Variants in KIAA1217 observed in about 807,000 individuals in gnomAD.
KIAA1217 encodes sickle tail protein homolog.
In KIAA1217, 88 loss-of-function variants were observed where a neutral mutation model predicts 163.9. The ratio of observed to expected loss-of-function variants is 0.54; its 90% CI spans 0.45 to 0.64. The LOEUF is 0.64. KIAA1217 is among the 30% of genes least tolerant of loss of function. KIAA1217 has a pLI of 0.00. For synonymous variants in KIAA1217, 903 were observed against 923.1 expected, an observed-to-expected ratio of 0.98 and a Z score of 0.39; for missense variants, 2,372 against 2,475.0, an observed-to-expected ratio of 0.96 and a Z score of 0.88.
chr10:24,391,333 C>CTTTTTTTTTTTTTTT (rs768727392), intron 3 of KIAA1217, among the ~76,000 whole-genome samples: 2 of 29,890 alleles, frequency 6.7e-5, no homozygotes, highest in African/African-American at 5.1e-4. Context: ...TTCTTTCTTT[C>CTTTTTTTTTTTTTTT]TTTTTTTTTT....
intron 1 of KIAA1217, among the ~76,000 whole-genome samples, chr10:23,938,113 G>C (rs1452383518): frequency 6.6e-6 from 1 of 152,106 alleles, no homozygotes; most frequent in Admixed American, 6.5e-5. Flanking sequence ...TCTATATGTT[G>C]GGAAACTTCT....
intron 2 of KIAA1217, among the ~76,000 whole-genome samples, chr10:24,245,375 G>C (rs1174860836): frequency 6.6e-6 from 1 of 152,184 alleles, no homozygotes; most frequent in Non-Finnish European, 1.5e-5. Flanking sequence ...GATGGAGAGA[G>C]CAGAGACCCC....
chr10:23,857,737 G>A lies in KIAA1217; in HGVS notation c.-320-149488G>A, dbSNP rs16923977. On this transcript the variant is annotated intron_variant, in intron 1 of 18. Coordinates refer to the KIAA1217 transcript ENST00000376462. The stretch of plus-strand genomic sequence containing the variant: ...CATCTCTCAACCTTTAGAGGAGTGG[G>A]GAATCTTTTCTTGAGAACTTTACAA... Among the ~76,000 whole-genome samples, 734 of 152,036 alleles carry A rather than the reference G, an allele frequency of 4.8e-3. 9 individuals are homozygous for A. The highest frequency in any genetic ancestry group is 0.016 in the African/African-American group (659 of 41,428).
At chr10:24,272,556 C>G (rs188096271) in intron 2 of KIAA1217, among the ~76,000 whole-genome samples, 116 of 152,314 alleles carry the variant, frequency 7.6e-4, no homozygotes, top group Admixed American at 2.5e-3. Flanking sequence ...CTAAGGTTGA[C>G]TCATTGTCAA....
At chr10:24,090,375 T>C (rs1020174349) in intron 2 of KIAA1217, among the ~76,000 whole-genome samples, 1 of 137,198 alleles carries the variant, frequency 7.3e-6, no homozygotes, top group Admixed American at 7.3e-5. Flanking sequence ...AGACAGGGTC[T>C]TGCTATATTA....
chr10:24,532,389 C>G (rs142578983), intron 15 of KIAA1217, among the ~76,000 whole-genome samples: 13 of 152,280 alleles, frequency 8.5e-5, no homozygotes, highest in African/African-American at 3.1e-4. Flanking sequence ...CTTAACTAAC[C>G]AAGTGTTAGC....
intron 1 of KIAA1217, among the ~76,000 whole-genome samples, chr10:23,777,497 C>T (rs1564410926): frequency 6.6e-6 from 1 of 152,104 alleles, no homozygotes; most frequent in African/African-American, 2.4e-5. Flanking sequence ...TTTTACAAGA[C>T]AGTGTAAGAA....
chr10:24,495,357 T>C (rs1054956762), intron 8 of KIAA1217, among the ~76,000 whole-genome samples, 161 bp downstream of exon 8: 7 of 152,336 alleles, frequency 4.6e-5, no homozygotes, highest in Middle Eastern at 3.4e-3. Flanking sequence ...GATTTATTCA[T>C]TAATTCGGGG....
intron 1 of KIAA1217, among the ~76,000 whole-genome samples, chr10:23,713,661 A>G (rs1006567396): frequency 2.6e-5 from 4 of 152,208 alleles, no homozygotes; most frequent in Non-Finnish European, 4.4e-5. Context: ...TATTAATATC[A>G]TTATTAGCTA....
At chr10:23,897,593 T>C (rs1841761399) in intron 1 of KIAA1217, among the ~76,000 whole-genome samples, 1 of 152,030 alleles carries the variant, frequency 6.6e-6, no homozygotes, top group African/African-American at 2.4e-5. Flanking sequence ...ATCACAATCC[T>C]TTCTGTATTG....
intron 2 of KIAA1217, among the ~76,000 whole-genome samples, chr10:24,356,044 G>A (rs1290223423): frequency 6.6e-6 from 1 of 151,954 alleles, no homozygotes; most frequent in Non-Finnish European, 1.5e-5. Flanking sequence ...ACCACACCTG[G>A]ACAGCAAGTC....
chr10:24,430,707 T>G (rs2059536910), intron 3 of KIAA1217, among the ~76,000 whole-genome samples: 1 of 152,200 alleles, frequency 6.6e-6, no homozygotes, highest in East Asian at 1.9e-4. Flanking sequence ...TCCCTCACCA[T>G]GCGCAGTTCA....
intron 1 of KIAA1217, among the ~76,000 whole-genome samples, chr10:23,963,654 T>A (rs1844920757): frequency 6.6e-6 from 1 of 152,276 alleles, no homozygotes; most frequent in East Asian, 1.9e-4. Context: ...CTGGGTCAAA[T>A]GGTATTTCTG....
At chr10:24,102,518 T>C (rs1350673429) in intron 2 of KIAA1217, among the ~76,000 whole-genome samples, 1 of 152,214 alleles carries the variant, frequency 6.6e-6, no homozygotes, top group South Asian at 2.1e-4. Context: ...TGAAAGTTAT[T>C]TCATGAATAT....
chr10:23,704,174 A>ATATATATATATG, intron 1 of KIAA1217, among the ~76,000 whole-genome samples: 1 of 17,738 alleles, frequency 5.6e-5, no homozygotes, highest in Admixed American at 5.9e-4. Flanking sequence ...GTGTGTGTGT[A>ATATATATATATG]TATATATATA....
intron 1 of KIAA1217, among the ~76,000 whole-genome samples, chr10:23,792,506 T>A (rs1230539762): frequency 6.6e-6 from 1 of 151,676 alleles, no homozygotes; most frequent in Non-Finnish European, 1.5e-5. Flanking sequence ...TATTATTATT[T>A]TTTGAGATGG....
intron 1 of KIAA1217, among the ~76,000 whole-genome samples, chr10:23,704,170 GTGTATATATATATATATATATATATATA>G (rs1836706086): frequency 1.8e-5 from 1 of 54,096 alleles, no homozygotes; most frequent in Non-Finnish European, 3.0e-5. Context: ...GTGTGTGTGT[GTGTATATATATATATATATATATATATA>G]TATATATATA....
intron 2 of KIAA1217, among the ~76,000 whole-genome samples, chr10:24,291,598 A>T (rs1229952184): frequency 6.6e-6 from 1 of 152,176 alleles, no homozygotes; most frequent in Non-Finnish European, 1.5e-5. Flanking sequence ...GCGTGAGGAC[A>T]CTTGTAAGGC....
intron 5 of KIAA1217, chr10:24,466,598 G>A (rs767812628): frequency 1.4e-4 from 136 of 985,130 alleles, no homozygotes; most frequent in Non-Finnish European, 1.6e-4. Context: ...GTGAACACTC[G>A]AGCTGAGAAA....
Sources: gnomAD v4.1 joint callset for allele counts (sites outside exome capture counted in the v4.1 genomes callset) on GRCh38, gnomAD v4.1.1 for gene constraint, MANE v1.5 for transcripts, NCBI Gene and HGNC (gene_info 2026-07-23, HGNC 2026-07-21) for gene names.